VEZF1: variants seen among roughly 807,000 people sequenced by gnomAD.
VEZF1 encodes putative transcription factor DB1.
Under a neutral mutation model 44.1 loss-of-function variants are expected in VEZF1, and 5 were observed. The observed-to-expected ratio is 0.11, with a 90% CI of 0.06 to 0.24. The LOEUF is 0.24. Among genes scored for constraint, VEZF1 ranks in the 10% least tolerant of loss-of-function variants. The pLI is 1.00. For synonymous variants in VEZF1, 236 were observed against 233.1 expected, an observed-to-expected ratio of 1.01 and a Z score of -0.11; for missense variants, 358 against 641.8, an observed-to-expected ratio of 0.56 and a Z score of 4.78.
At chr17:57,984,334 T>C (rs1052364216) in intron 1 of VEZF1, among the ~76,000 whole-genome samples, 1 of 152,226 alleles carries the variant, frequency 6.6e-6, no homozygotes, top group African/African-American at 2.4e-5. Flanking sequence ...GATCAGGTTC[T>C]TGACATTTAT....
At chr17:57,982,434 G>A (rs2075257689) in intron 2 of VEZF1, among the ~76,000 whole-genome samples, 1 of 152,118 alleles carries the variant, frequency 6.6e-6, no homozygotes, top group South Asian at 2.1e-4. Flanking sequence ...GCAGTGATAA[G>A]TATCCATGTG....
intron 5 of VEZF1, among the ~76,000 whole-genome samples, chr17:57,978,623 A>G (rs2075215397): frequency 6.6e-6 from 1 of 152,228 alleles, no homozygotes; most frequent in Non-Finnish European, 1.5e-5. Flanking sequence ...CCAGCCAGTG[A>G]TAGACTGAAG....
chr17:57,981,734 A>G (rs2075251383), intron 3 of VEZF1, 139 bp downstream of exon 3: 1 of 612,554 alleles, frequency 1.6e-6, no homozygotes, highest in Non-Finnish European at 2.7e-6. Flanking sequence ...TATTTTATAA[A>G]ACTAGAAGTC....
Position 57,974,321 on chromosome 17 carries a change from C to T in VEZF1, c.*152G>A. 1 of 916,226 alleles carries T rather than the reference C, an allele frequency of 1.1e-6. No individual in the cohort carries two copies. Among genetic ancestry groups the T allele is most frequent in the Non-Finnish European group, 1.6e-6 (1 of 621,070 alleles). 56.8% of individuals were successfully genotyped at this position (916,226 alleles called of 1,614,324 possible). A position where few individuals can be genotyped will look rare whatever the true frequency, so the allele number is the denominator to read the frequency against. ...CATACACACCCTACTTTGAATAATC[C>T]CAGCCAAATTGGAGAAAAATGCTAC... is the stretch of plus-strand genomic sequence containing the variant. On this transcript the variant is annotated 3_prime_UTR_variant, in exon 6 of 6. Coordinates refer to ENST00000581208, the MANE Select transcript of VEZF1 (RefSeq NM_007146.3).
chr17:57,981,968 A>T, intron 2 of VEZF1, 32 bp from the exon 3 acceptor site: 1 of 1,606,200 alleles, frequency 6.2e-7, no homozygotes, highest in Non-Finnish European at 8.5e-7. Context: ...CAGAAGATAT[A>T]ATCGAACACA....
intron 5 of VEZF1, among the ~76,000 whole-genome samples, chr17:57,977,053 C>T (rs1341182779): frequency 6.6e-6 from 1 of 152,156 alleles, no homozygotes; most frequent in Non-Finnish European, 1.5e-5. Context: ...ATACAATTAT[C>T]ACAGCACTAC....
intron 1 of VEZF1, 35 bp downstream of exon 1, chr17:57,988,044 T>C (rs1567742894): frequency 8.5e-6 from 2 of 236,136 alleles, no homozygotes; most frequent in African/African-American, 2.5e-5. Flanking sequence ...GGCCCCCCTG[T>C]CCCCCCCGTG....
intron 3 of VEZF1, among the ~76,000 whole-genome samples, chr17:57,981,091 T>G (rs938317654): frequency 6.6e-6 from 1 of 152,206 alleles, no homozygotes; most frequent in Non-Finnish European, 1.5e-5. Context: ...TTGAACAAGT[T>G]GGTTAACCTA....
chr17:57,985,141 G>A (rs2075283605), intron 1 of VEZF1: 1 of 601,112 alleles, frequency 1.7e-6, no homozygotes, highest in Non-Finnish European at 2.4e-6. Flanking sequence ...AAGGCTAACA[G>A]ATCAGATAAT....
At chr17:57,980,819 A>T (rs754724493) in intron 3 of VEZF1, 33 bp from the exon 4 acceptor site, 1 of 1,608,362 alleles carries the variant, frequency 6.2e-7, no homozygotes, top group Non-Finnish European at 8.5e-7. Flanking sequence ...TTTTAAATAT[A>T]GACTATCCTG....
chr17:57,978,427 A>G (rs2075213158), intron 5 of VEZF1, among the ~76,000 whole-genome samples: 1 of 152,220 alleles, frequency 6.6e-6, no homozygotes, highest in African/African-American at 2.4e-5. Context: ...TGACAAAATG[A>G]TTCATTTGAA....
Position 57,987,378 on chromosome 17 carries a change from C to T in VEZF1, c.33+701G>A, listed in dbSNP as rs553774624. On this transcript the variant is annotated intron_variant, in intron 1 of 5. Coordinates refer to ENST00000581208, the MANE Select transcript of VEZF1 (RefSeq NM_007146.3). ...GAAGGTGTCAGCTGCCAAGGCTCGG[C>T]TGAGACTTGGGAAAAAAAAATGTAA... Among the ~76,000 whole-genome samples, 272 of 151,872 alleles carry T rather than the reference C, an allele frequency of 1.8e-3. 1 individual carries two copies. The highest frequency in any genetic ancestry group is 6.2e-3 in the African/African-American group (258 of 41,412).
rs60115545 is a variant in VEZF1, at chr17:57,983,791, C to A, written c.34-398G>T. ...AATAGTACCTTACTGCAGCAATACA[C>A]ACATACACACTCACATACATGCAAT... On this transcript the variant is annotated intron_variant, in intron 1 of 5. Transcript: ENST00000581208. 1.7e-3 allele frequency among the ~76,000 whole-genome samples: 252 copies of A among 152,304 alleles called. 1 individual carries two copies. The highest frequency in any genetic ancestry group is 5.9e-3 in the African/African-American group (245 of 41,552).
chr17:57,984,246 T>C (rs138020069), intron 1 of VEZF1, among the ~76,000 whole-genome samples: 289 of 152,356 alleles, frequency 1.9e-3, no homozygotes, highest in Middle Eastern at 6.8e-3. Context: ...GCTCTTATGA[T>C]GTGCTTCTCC....
Position 57,988,056 on chromosome 17 carries a change from CCCCCCGGGGGGG to C in VEZF1, c.33+11_33+22del. ...CCCGGCCCCCCTGTCCCCCCCGTGC[CCCCCCGGGGGGG>C]CCCCCAGTACCTGGAACAGGAACGC... On this transcript the variant is annotated intron_variant, in intron 1 of 5. Coordinates refer to ENST00000581208, the MANE Select transcript of VEZF1 (RefSeq NM_007146.3). 1 of 330,106 alleles carries C rather than the reference CCCCCCGGGGGGG, an allele frequency of 3.0e-6. No individual in the cohort carries two copies. The highest frequency in any genetic ancestry group is 4.9e-6 in the Non-Finnish European group (1 of 204,254). 20.4% of individuals were successfully genotyped at this position (330,106 alleles called of 1,614,324 possible).
At chr17:57,978,166 G>A (rs1265566826) in intron 5 of VEZF1, among the ~76,000 whole-genome samples, 1 of 151,494 alleles carries the variant, frequency 6.6e-6, no homozygotes, top group Non-Finnish European at 1.5e-5. Flanking sequence ...TCACGCCACT[G>A]CACTCAAGCC....
chr17:57,978,167 C>T (rs930633367), intron 5 of VEZF1, among the ~76,000 whole-genome samples: 2 of 151,302 alleles, frequency 1.3e-5, no homozygotes, highest in African/African-American at 4.9e-5. Flanking sequence ...CACGCCACTG[C>T]ACTCAAGCCT....
chr17:57,986,296 T>C (rs2075292986), intron 1 of VEZF1, among the ~76,000 whole-genome samples: 1 of 152,226 alleles, frequency 6.6e-6, no homozygotes, highest in African/African-American at 2.4e-5. Context: ...GTTTTTCCTT[T>C]ACATGAAGAA....
chr17:57,981,452 T>C (rs2075249016), intron 3 of VEZF1, among the ~76,000 whole-genome samples: 1 of 152,194 alleles, frequency 6.6e-6, no homozygotes. Context: ...AATTTGGTAA[T>C]AACAAACAAA....
Sources: gnomAD v4.1 joint callset for allele counts (sites outside exome capture counted in the v4.1 genomes callset) on GRCh38, gnomAD v4.1.1 for gene constraint, MANE v1.5 for transcripts, NCBI Gene and HGNC (gene_info 2026-07-23, HGNC 2026-07-21) for gene names.